Variants in KDM3A observed in about 807,000 individuals in gnomAD.
KDM3A encodes lysine demethylase 3A, also known as lysine-specific demethylase 3A.
A neutral mutation model predicts 158.0 loss-of-function variants in KDM3A; 60 were observed. That is an observed-to-expected ratio of 0.38 (90% CI 0.31 to 0.47). The LOEUF (loss-of-function observed/expected upper bound fraction) is 0.47. KDM3A is among the 20% of genes least tolerant of loss of function. KDM3A has a pLI of 0.99. For missense variants in KDM3A, 1,319 were observed against 1,574.3 expected (o/e 0.84, Z 2.74); for synonymous variants, 608 against 549.3 (o/e 1.11, Z -1.49).
At chr2:86,474,253 T>C (rs1673547045) in intron 11 of KDM3A, among the ~76,000 whole-genome samples, 3 of 152,330 alleles carry the variant, frequency 2.0e-5, no homozygotes, top group African/African-American at 7.2e-5. Context: ...GTCTAGCTTG[T>C]CTTTTGGGGA....
upstream of KDM3A, chr2:86,441,162 CG>C (rs149510621): frequency 6.6e-6 from 1 of 152,534 alleles, no homozygotes; most frequent in East Asian, 1.9e-4. Flanking sequence ...GGGGGTCGCC[CG>C]GGAGTCGGAA....
At chr2:86,442,610 T>C (rs759137987) in intron 2 of KDM3A, 27 of 164,794 alleles carry the variant, frequency 1.6e-4, no homozygotes, top group Non-Finnish European at 3.0e-4. Context: ...TGCTTGGAAG[T>C]ACTTTCAGCT....
rs201006430 is a variant in KDM3A, at chr2:86,489,343, A to G, written c.3339A>G (p.Lys1113=). ...GATTAATCACTCCTGAAGATCGGAA[A>G]TATGGAACAACAAATCTTCACTTAG... The part of the protein sequence containing the change: ...AYGLITPEDR[K]YGTTNLHLDV... Residue 1113 remains lysine, a synonymous_variant, in exon 22 of 26, where the codon AAA becomes AAG. Coordinates refer to ENST00000312912, the MANE Select transcript of KDM3A (RefSeq NM_018433.6). The G allele has an allele frequency of 3.1e-6, 5 of 1,613,978 alleles. No individual in the cohort carries two copies. Among genetic ancestry groups the G allele is most frequent in the African/African-American group, 2.7e-5 (2 of 75,022 alleles).
At chr2:86,482,179 A>C in intron 17 of KDM3A, 77 bp downstream of exon 17, 1 of 1,470,398 alleles carries the variant, frequency 6.8e-7, no homozygotes, top group East Asian at 2.3e-5. Flanking sequence ...GTTGGAACTG[A>C]AAGTAGAAAG....
At chr2:86,476,021 A>C (rs990582666) in intron 12 of KDM3A, among the ~76,000 whole-genome samples, 2 of 152,214 alleles carry the variant, frequency 1.3e-5, no homozygotes, top group Non-Finnish European at 2.9e-5. Context: ...AACCAGAGCT[A>C]TTCTTTAGAA....
intron 23 of KDM3A, 60 bp downstream of exon 23, chr2:86,489,719 C>T: frequency 6.5e-7 from 1 of 1,535,996 alleles, no homozygotes; most frequent in Non-Finnish European, 8.8e-7. Context: ...TATGTTACTA[C>T]ATGTGGTGAA....
intron 11 of KDM3A, among the ~76,000 whole-genome samples, chr2:86,473,679 GT>G (rs1673516907): frequency 6.6e-6 from 1 of 152,296 alleles, no homozygotes; most frequent in South Asian, 2.1e-4. Context: ...AAGTCTGGGA[GT>G]GGGGGTTGCC....
At chr2:86,453,286 A>G (rs1672546061) in intron 4 of KDM3A, among the ~76,000 whole-genome samples, 1 of 152,146 alleles carries the variant, frequency 6.6e-6, no homozygotes, top group Non-Finnish European at 1.5e-5. Context: ...GAGTTTTCAA[A>G]GTTTAGTACT....
chr2:86,486,436 G>A (rs1283489507), intron 21 of KDM3A, among the ~76,000 whole-genome samples: 1 of 152,164 alleles, frequency 6.6e-6, no homozygotes, highest in Non-Finnish European at 1.5e-5. Flanking sequence ...TTATAACTGA[G>A]ATCTTCGTCA....
At chr2:86,455,969 A>AAAAAG (rs1271402134) in intron 5 of KDM3A, among the ~76,000 whole-genome samples, 1 of 151,480 alleles carries the variant, frequency 6.6e-6, no homozygotes, top group Admixed American at 6.6e-5. Context: ...AAAAAAAAAA[A>AAAAAG]AAAAGAAAAG....
intron 10 of KDM3A, 48 bp downstream of exon 10, chr2:86,466,931 A>T: frequency 7.3e-7 from 1 of 1,379,256 alleles, no homozygotes; most frequent in South Asian, 1.4e-5. Context: ...GAAATGGTAG[A>T]TATATATATC....
chr2:86,477,825 G>T, intron 12 of KDM3A, 52 bp from the exon 13 acceptor site: 1 of 1,529,886 alleles, frequency 6.5e-7, no homozygotes, highest in South Asian at 1.3e-5. Context: ...TTCGTTTTTG[G>T]TTTCAGAAGC....
At chr2:86,491,854 T>G (rs1674471743) in intron 25 of KDM3A, 185 bp from the exon 26 acceptor site, 1 of 579,484 alleles carries the variant, frequency 1.7e-6, no homozygotes, top group Non-Finnish European at 3.1e-6. Context: ...AATCATGGGT[T>G]TAAAATGTAT....
In KDM3A at chr2:86,489,556, A is replaced by G. The variant is rs1199829561; in HGVS notation, c.3470A>G (p.Glu1157Gly). Residue 1157 changes from glutamate to glycine, a missense_variant, in exon 23 of 26, where the codon GAA (glutamate) becomes GGA (glycine). Physicochemically the swap from Glu to Gly is moderately conservative, Grantham distance 98 (BLOSUM62 -2). Coordinates refer to ENST00000312912, the MANE Select transcript of KDM3A (RefSeq NM_018433.6). ...ACCATCCAAGATGGAGATTCTGACG[A>G]ACTCACAATAAAGCGATTTATTGAA... ...LKTIQDGDSD[E>G]LTIKRFIEGK... 10 of 1,613,868 alleles carry G rather than the reference A, an allele frequency of 6.2e-6. No individual in the cohort carries two copies. In the Admixed American group the frequency reaches 1.7e-4, roughly 27 times the overall value.
Position 86,456,531 on chromosome 2 carries a change from C to G in KDM3A, c.646C>G (p.Pro216Ala). The change falls in exon 6 of 26, where the codon CCA (proline) becomes GCA (alanine). Residue 216 changes from proline to alanine, a missense_variant. Pro to Ala is a conservative substitution (Grantham distance 27). This residue lies in a region of KDM3A where 652 missense variants were observed against 627.2 expected (regional missense o/e 1.04). Transcript: ENST00000312912. ...TTCAGCAACCGTTATAAATGGAAAC[C>G]CAGCATCAAAAACTCTTCAAGTCAA... ...WFSATVINGN[P>A]ASKTLQVNCE... is the part of the protein sequence containing the mutation. 4 of 1,608,814 alleles carry G rather than the reference C, an allele frequency of 2.5e-6. No individual in the cohort carries two copies. Among genetic ancestry groups the G allele is most frequent in the Non-Finnish European group, 3.4e-6 (4 of 1,177,610 alleles).
Position 86,466,716 on chromosome 2 carries a change from A to C in KDM3A, c.1352A>C (p.Asn451Thr). Residue 451 changes from asparagine to threonine, a missense_variant, in exon 10 of 26, where the codon AAT becomes ACT. Asn to Thr is a moderately conservative substitution (Grantham distance 65). Transcript: ENST00000312912. ...GCACCTTCCCCATCGGATGTTTCAAATGCACCAGAAGTGAAAGCAGGTGTC... is the reference window on the plus strand; with the variant it reads ...GCACCTTCCCCATCGGATGTTTCAACTGCACCAGAAGTGAAAGCAGGTGTC... ...EHAPSPSDVS[N>T]APEVKAGVNS... The C allele has an allele frequency of 6.2e-7, 1 of 1,613,966 alleles. No individual in the cohort carries two copies. The highest frequency in any genetic ancestry group is 8.5e-7 in the Non-Finnish European group (1 of 1,179,878).
chr2:86,473,488 T>C (rs1311849719), intron 11 of KDM3A, among the ~76,000 whole-genome samples: 1 of 152,180 alleles, frequency 6.6e-6, no homozygotes, highest in African/African-American at 2.4e-5. Context: ...TTCATGTTTG[T>C]AATCGAAGCA....
intron 4 of KDM3A, among the ~76,000 whole-genome samples, chr2:86,453,398 C>T (rs1200572392): frequency 1.3e-5 from 2 of 152,114 alleles, no homozygotes; most frequent in Non-Finnish European, 2.9e-5. Context: ...CTAGATAATG[C>T]ACAGAGCACC....
Position 86,456,473 on chromosome 2 carries a change from A to G in KDM3A, c.588A>G (p.Lys196=), listed in dbSNP as rs1204057100. The G allele has an allele frequency of 6.4e-7, 1 of 1,574,600 alleles. No individual in the cohort carries two copies. Among genetic ancestry groups the G allele is most frequent in the Non-Finnish European group, 8.6e-7 (1 of 1,163,510 alleles). Residue 196 remains lysine, a synonymous_variant, in exon 6 of 26, where the codon AAA becomes AAG. Coordinates refer to ENST00000312912, the MANE Select transcript of KDM3A (RefSeq NM_018433.6). ...GDKNLVGSEV[K]IYSLDPSTQW... ...AAAACTTAGTTGGTTCAGAAGTAAA[A>G]ATTTATAGCTTGGACCCATCTACTC...
Sources: gnomAD v4.1 joint callset for allele counts (sites outside exome capture counted in the v4.1 genomes callset) on GRCh38, gnomAD v4.1.1 for gene constraint, gnomAD v4.1.1 regional missense constraint, MANE v1.5 for transcripts, NCBI Gene and HGNC (gene_info 2026-07-23, HGNC 2026-07-21) for gene names.